The following AFAP1 variants were observed in gnomAD, a reference collection of about 807,000 sequenced individuals.
The protein encoded by AFAP1 is actin filament associated protein 1.
A neutral mutation model predicts 93.9 loss-of-function variants in AFAP1; 75 were observed. That is an observed-to-expected ratio of 0.80 (90% confidence interval 0.66 to 0.97). AFAP1 has a LOEUF of 0.97. Ranked by LOEUF, AFAP1 falls within the 50% of genes least tolerant of loss-of-function variation. The pLI, the probability that AFAP1 is intolerant of heterozygous loss-of-function variation, is 0.00. For missense variants in AFAP1, 1,201 were observed against 1,050.8 expected (o/e 1.14, Z -1.98); for synonymous variants, 517 against 430.7 (o/e 1.20, Z -2.48).
intron 10 of AFAP1, among the ~76,000 whole-genome samples, chr4:7,798,407 C>T (rs1043178309): frequency 6.7e-6 from 1 of 148,248 alleles, no homozygotes; most frequent in African/African-American, 2.5e-5. Context: ...TGGCTCACAG[C>T]ACTGCAACTC....
chr4:7,768,565 G>C (rs10004558), intron 17 of AFAP1, among the ~76,000 whole-genome samples: 22,494 of 152,116 alleles, frequency 0.15, 1,685 homozygotes, highest in Middle Eastern at 0.2. Context: ...GGAGCCCAGG[G>C]CTTGCCTGCA....
chr4:7,938,076 G>C (rs1721491670), intron 1 of AFAP1, among the ~76,000 whole-genome samples: 1 of 152,160 alleles, frequency 6.6e-6, no homozygotes. Flanking sequence ...AGGACTTCAG[G>C]AGAACAAGCA....
chr4:7,892,588 T>G (rs193100230), intron 1 of AFAP1, among the ~76,000 whole-genome samples: 81 of 152,286 alleles, frequency 5.3e-4, no homozygotes, highest in Non-Finnish European at 6.5e-4. Flanking sequence ...CACTTGAACT[T>G]GATTATATGC....
intron 16 of AFAP1, among the ~76,000 whole-genome samples, chr4:7,769,579 CAT>C (rs1241717996): frequency 6.6e-6 from 1 of 152,068 alleles, no homozygotes; most frequent in Non-Finnish European, 1.5e-5. Flanking sequence ...AATAGAACAA[CAT>C]GTGTCCTGAG....
chr4:7,872,125 A>G (rs767425776), intron 1 of AFAP1, 45 bp from the exon 2 acceptor site: 29 of 1,608,890 alleles, frequency 1.8e-5, no homozygotes, highest in Non-Finnish European at 2.1e-5. Context: ...AGTGATTTGC[A>G]AATGTCAAAG....
chr4:7,840,262 ATGTGTG>A (rs10611947), intron 5 of AFAP1, among the ~76,000 whole-genome samples: 59 of 150,124 alleles, frequency 3.9e-4, no homozygotes, highest in Non-Finnish European at 5.3e-4. Context: ...TGTTTTTGGG[ATGTGTG>A]TGTGTGTGTG....
chr4:7,819,496 G>A (rs1577250144), intron 6 of AFAP1, among the ~76,000 whole-genome samples: 2 of 152,278 alleles, frequency 1.3e-5, no homozygotes, highest in South Asian at 2.1e-4. Flanking sequence ...ACACGAGACC[G>A]CAGTAAGTGC....
At chr4:7,774,653 C>T in intron 15 of AFAP1, 86 bp downstream of exon 15, 1 of 1,521,120 alleles carries the variant, frequency 6.6e-7, no homozygotes, top group East Asian at 2.3e-5. Context: ...CCTTGGTGAG[C>T]AATAGGTCCT....
intron 1 of AFAP1, among the ~76,000 whole-genome samples, chr4:7,888,267 A>C (rs1349050658): frequency 1.3e-5 from 2 of 152,226 alleles, no homozygotes; most frequent in African/African-American, 2.4e-5. Context: ...AAACGCACCA[A>C]AACACAAAGT....
At chr4:7,843,499 A>T (rs993591373) in intron 4 of AFAP1, 149 bp from the exon 5 acceptor site, 3 of 746,020 alleles carry the variant, frequency 4.0e-6, no homozygotes, top group Non-Finnish European at 6.3e-6. Flanking sequence ...CAAAAACAAA[A>T]ACAAAAATAA....
chr4:7,814,714 A>G (rs1251971793), intron 8 of AFAP1, among the ~76,000 whole-genome samples: 1 of 152,194 alleles, frequency 6.6e-6, no homozygotes, highest in Non-Finnish European at 1.5e-5. Flanking sequence ...CTGGTAAAGG[A>G]TAAGAAACAG....
At chr4:7,916,297 A>G in intron 1 of AFAP1, among the ~76,000 whole-genome samples, 1 of 152,214 alleles carries the variant, frequency 6.6e-6, no homozygotes, top group Admixed American at 6.5e-5. Flanking sequence ...AATAGCAGAG[A>G]AAACAATACA....
At chr4:7,768,677 G>T (rs796144791) in intron 17 of AFAP1, among the ~76,000 whole-genome samples, 167 bp downstream of exon 17, 1 of 152,182 alleles carries the variant, frequency 6.6e-6, no homozygotes. Flanking sequence ...CAGGATCTGC[G>T]GGGTGGTGAG....
At chr4:7,858,586 G>A (rs1474672424) in intron 3 of AFAP1, among the ~76,000 whole-genome samples, 2 of 152,150 alleles carry the variant, frequency 1.3e-5, no homozygotes, top group Non-Finnish European at 2.9e-5. Flanking sequence ...TAATGGAATT[G>A]TAAAAGGTAC....
At chr4:7,925,328 C>T (rs1012175208) in intron 1 of AFAP1, among the ~76,000 whole-genome samples, 2 of 152,210 alleles carry the variant, frequency 1.3e-5, no homozygotes, top group African/African-American at 4.8e-5. Flanking sequence ...TCCCCACCAA[C>T]CAGGGAAGGA....
chr4:7,772,005 G>A (rs150696851), intron 16 of AFAP1, among the ~76,000 whole-genome samples: 54 of 152,296 alleles, frequency 3.5e-4, no homozygotes, highest in African/African-American at 1.1e-3. Flanking sequence ...CCACAAACCC[G>A]CCCAGGGCTC....
intron 1 of AFAP1, among the ~76,000 whole-genome samples, chr4:7,919,201 A>AT (rs1331174552): frequency 3.3e-5 from 5 of 152,218 alleles, no homozygotes; most frequent in African/African-American, 1.2e-4. Flanking sequence ...ATTCACACAG[A>AT]TTATCCCGGC....
chr4:7,771,419 T>A (rs1376463479), intron 16 of AFAP1, among the ~76,000 whole-genome samples: 1 of 152,102 alleles, frequency 6.6e-6, no homozygotes, highest in African/African-American at 2.4e-5. Context: ...ATTTTATATA[T>A]AATAGATAAA....
intron 8 of AFAP1, among the ~76,000 whole-genome samples, chr4:7,811,196 G>A (rs961229065): frequency 2.6e-5 from 4 of 152,154 alleles, no homozygotes; most frequent in African/African-American, 9.7e-5. Context: ...CAGTGTCGTG[G>A]GCAAACCCCA....
Sources: gnomAD v4.1 joint callset for allele counts (sites outside exome capture counted in the v4.1 genomes callset) on GRCh38, gnomAD v4.1.1 for gene constraint, MANE v1.5 for transcripts, NCBI Gene and HGNC (gene_info 2026-07-23, HGNC 2026-07-21) for gene names.